The following SLC27A6 variants were observed in gnomAD, a reference collection of about 807,000 sequenced individuals.
SLC27A6 encodes long-chain fatty acid transport protein 6.
In SLC27A6, 74 loss-of-function variants were observed where a neutral mutation model predicts 63.9. The ratio of observed to expected loss-of-function variants is 1.16; its 90% CI spans 0.96 to 1.40. The LOEUF (loss-of-function observed/expected upper bound fraction) is 1.40. Among genes scored for constraint, SLC27A6 ranks in the 40% most tolerant of loss-of-function variants. The pLI, the probability that SLC27A6 is intolerant of heterozygous loss-of-function variation, is 0.00. For synonymous variants in SLC27A6, 287 were observed against 260.8 expected (o/e 1.10, Z -0.97); for missense variants, 794 against 732.9 (o/e 1.08, Z -0.96).
At chr5:129,016,486 CCTT>C (rs1408578649) in intron 5 of SLC27A6, among the ~76,000 whole-genome samples, 8 of 148,078 alleles carry the variant, frequency 5.4e-5, no homozygotes, top group East Asian at 4.0e-4. Flanking sequence ...AATATTATCA[CCTT>C]TTTTTTTTTT....
At chr5:128,992,563 C>T (rs910050684) in intron 4 of SLC27A6, among the ~76,000 whole-genome samples, 26 of 152,280 alleles carry the variant, frequency 1.7e-4, no homozygotes, top group African/African-American at 6.3e-4. Context: ...GATTCATAGC[C>T]AAGACAAAGA....
chr5:129,020,490 G>T (rs957036440), intron 5 of SLC27A6, among the ~76,000 whole-genome samples: 1 of 148,408 alleles, frequency 6.7e-6, no homozygotes, highest in Non-Finnish European at 1.5e-5. Context: ...ACAAAAATGG[G>T]AGTGGGGGGG....
intron 1 of SLC27A6, among the ~76,000 whole-genome samples, chr5:128,983,453 TG>T (rs1750684158): frequency 6.6e-6 from 1 of 151,822 alleles, no homozygotes; most frequent in Non-Finnish European, 1.5e-5. Context: ...TCACCATACC[TG>T]GCTATTTTTT....
rs371715104 is a variant in SLC27A6, at chr5:129,029,721, C to T, written c.1683+14C>T. 25 of 1,589,314 alleles carry T rather than the reference C, an allele frequency of 1.6e-5. No homozygotes were observed. The highest frequency in any genetic ancestry group is 1.8e-5 in the Admixed American group (1 of 54,146). ...TTAAGAATTCAGGTAATTTTAGTGG[C>T]GGAGTTTACTATCAAATATAAGACA... On this transcript the variant is annotated intron_variant, in intron 9 of 9. Transcript: ENST00000262462.
intron 7 of SLC27A6, 142 bp from the exon 8 acceptor site, chr5:129,028,203 A>G (rs181438607): frequency 6.8e-6 from 4 of 584,068 alleles, no homozygotes; most frequent in Middle Eastern, 3.0e-4. Context: ...CTTTCTTAGA[A>G]ATGCCTTTCA....
intron 1 of SLC27A6, among the ~76,000 whole-genome samples, chr5:128,972,124 A>G (rs1394586932): frequency 1.3e-5 from 2 of 152,198 alleles, no homozygotes; most frequent in African/African-American, 2.4e-5. Flanking sequence ...GTTTCTGCCA[A>G]GAGATCAGCT....
intron 4 of SLC27A6, among the ~76,000 whole-genome samples, chr5:128,992,790 G>A (rs1163539270): frequency 1.3e-5 from 2 of 152,074 alleles, no homozygotes; most frequent in South Asian, 2.1e-4. Context: ...TAAGATTAAG[G>A]TCACCTTCAG....
In SLC27A6 at chr5:129,033,324, G is replaced by A; in HGVS notation, c.*42G>A. On this transcript the variant is annotated 3_prime_UTR_variant, in exon 10 of 10. Transcript: ENST00000262462. Reference sequence around the variant, plus strand: ...ACTTTCATATGCTTTCTTAGGAAGAGTGAGAGGGGGGTATATGATTCTTTA... The same window carrying A: ...ACTTTCATATGCTTTCTTAGGAAGAATGAGAGGGGGGTATATGATTCTTTA... 8.2e-7 allele frequency: 1 copy of A among 1,222,282 alleles called. No individual in the cohort carries two copies. The highest frequency in any genetic ancestry group is 1.1e-6 in the Non-Finnish European group (1 of 871,570). 75.7% of individuals were successfully genotyped at this position (1,222,282 alleles called of 1,614,324 possible). A position where few individuals can be genotyped will look rare whatever the true frequency, so the allele number is the denominator to read the frequency against.
At chr5:129,016,125 G>T in intron 5 of SLC27A6, 46 bp downstream of exon 5, 1 of 1,380,646 alleles carries the variant, frequency 7.2e-7, no homozygotes, top group Non-Finnish European at 9.9e-7. Flanking sequence ...CGGTGCGGTG[G>T]CTCATACCTG....
chr5:129,016,331 G>C (rs1173946168), intron 5 of SLC27A6, among the ~76,000 whole-genome samples: 1 of 144,262 alleles, frequency 6.9e-6, no homozygotes, highest in Non-Finnish European at 1.5e-5. Context: ...AGGAGGTGGA[G>C]CTTGCAGTGA....
chr5:128,983,470 T>G (rs545453873), intron 1 of SLC27A6, among the ~76,000 whole-genome samples: 29 of 152,074 alleles, frequency 1.9e-4, no homozygotes, highest in African/African-American at 6.8e-4. Context: ...TTTTTTTGTA[T>G]TCTTAGTAGA....
rs559211912 is a variant in SLC27A6 at position 129,017,974 on chromosome 5, C to T, written c.1164+1895C>T. Among the ~76,000 whole-genome samples the T allele has an allele frequency of 1.5e-3, 234 of 152,118 alleles. 1 individual carries two copies. The highest frequency in any genetic ancestry group is 5.6e-3 in the African/African-American group (231 of 41,508). On this transcript the variant is annotated intron_variant, in intron 5 of 9. Coordinates refer to ENST00000262462, the MANE Select transcript of SLC27A6 (RefSeq NM_001017372.3). Reference sequence around the variant, plus strand: ...AACTTCCCAACTCATTTTTTGACTCCAAACCTGACGTAATAGTGCAAGAAC... The same window carrying T: ...AACTTCCCAACTCATTTTTTGACTCTAAACCTGACGTAATAGTGCAAGAAC...
At chr5:128,970,492 T>C (rs943825559) in intron 1 of SLC27A6, among the ~76,000 whole-genome samples, 9 of 152,212 alleles carry the variant, frequency 5.9e-5, no homozygotes, top group African/African-American at 1.7e-4. Flanking sequence ...CTTGTGACGG[T>C]GTATGTGTCC....
intron 9 of SLC27A6, 45 bp downstream of exon 9, chr5:129,029,752 CA>C (rs1210780346): frequency 6.5e-7 from 1 of 1,526,746 alleles, no homozygotes; most frequent in Non-Finnish European, 8.9e-7. Flanking sequence ...AGACAGTAAA[CA>C]AGGAAGTAGT....
Position 128,998,117 on chromosome 5 carries a change from C to CA in SLC27A6, c.969+7675dup, listed in dbSNP as rs34463699. 3.7e-3 allele frequency among the ~76,000 whole-genome samples: 327 copies of CA among 89,350 alleles called. 3 individuals carry two copies. The highest frequency in any genetic ancestry group is 8.8e-3 in the African/African-American group (201 of 22,954). 58.6% of individuals were successfully genotyped at this position (89,350 alleles called of 152,430 possible). On this transcript the variant is annotated intron_variant, in intron 4 of 9. Coordinates refer to ENST00000262462, the MANE Select transcript of SLC27A6 (RefSeq NM_001017372.3). ...CAACATAGTGACAGTCCCATCTCTACAAAAAAAAAAAAAAAAAAAAAATTA... is the reference window on the plus strand; with the variant it reads ...CAACATAGTGACAGTCCCATCTCTACAAAAAAAAAAAAAAAAAAAAAAATTA...
intron 4 of SLC27A6, among the ~76,000 whole-genome samples, chr5:129,010,310 A>C (rs546108717): frequency 6.0e-4 from 92 of 152,314 alleles, no homozygotes; most frequent in African/African-American, 2.2e-3. Context: ...TTACAAATTA[A>C]AAATTAAAAA....
intron 4 of SLC27A6, among the ~76,000 whole-genome samples, chr5:129,008,929 C>G (rs1211649454): frequency 7.1e-6 from 1 of 141,682 alleles, no homozygotes; most frequent in Admixed American, 7.4e-5. Flanking sequence ...TGCAGTGGTG[C>G]AATCTTGGCT....
chr5:129,006,341 C>T (rs536506841), intron 4 of SLC27A6, among the ~76,000 whole-genome samples: 34 of 152,074 alleles, frequency 2.2e-4, no homozygotes, highest in African/African-American at 7.5e-4. Flanking sequence ...CTGCCCGCCT[C>T]GGTCTCCCAA....
chr5:128,969,510 T>A (rs1366092373), intron 1 of SLC27A6, among the ~76,000 whole-genome samples: 2 of 152,172 alleles, frequency 1.3e-5, no homozygotes, highest in Non-Finnish European at 2.9e-5. Context: ...CCTAGGTATT[T>A]TATTCTCTTT....
Sources: allele counts gnomAD v4.1 joint callset (sites outside exome capture counted in the v4.1 genomes callset), GRCh38; gene constraint gnomAD v4.1.1; transcripts MANE v1.5; gene names NCBI Gene and HGNC (gene_info 2026-07-23, HGNC 2026-07-21).